REPS1: variants seen among roughly 807,000 people sequenced by gnomAD.
REPS1 encodes the protein RALBP1 associated Eps domain containing 1.
A neutral mutation model predicts 100.9 loss-of-function variants in REPS1; 39 were observed. The ratio of observed to expected loss-of-function variants is 0.39; its 90% CI spans 0.30 to 0.50. The LOEUF (loss-of-function observed/expected upper bound fraction) is 0.50, where lower values mean the gene tolerates loss of function less well. REPS1 is among the 20% of genes least tolerant of loss of function. The pLI is 0.86. For synonymous variants in REPS1, 324 were observed against 340.3 expected, an observed-to-expected ratio of 0.95 and a Z score of 0.53; for missense variants, 821 against 968.5, an observed-to-expected ratio of 0.85 and a Z score of 2.02.
At chr6:138,970,591 G>C (rs1167529531) in intron 1 of REPS1, among the ~76,000 whole-genome samples, 1 of 152,140 alleles carries the variant, frequency 6.6e-6, no homozygotes, top group Non-Finnish European at 1.5e-5. Flanking sequence ...AGACCAGCCT[G>C]GCCAACATGG....
intron 19 of REPS1, among the ~76,000 whole-genome samples, chr6:138,905,885 T>C (rs117296145): frequency 0.013 from 2,044 of 152,364 alleles, 20 homozygotes; most frequent in Middle Eastern, 0.058. Context: ...TCAATGTTGA[T>C]TTTAGGCAGT....
chr6:138,929,474 CTAAT>C (rs1339456358), intron 9 of REPS1: 10 of 152,322 alleles, frequency 6.6e-5, no homozygotes, highest in Admixed American at 5.9e-4. Flanking sequence ...TTGAAGAAAA[CTAAT>C]TATACAGAGT....
At chr6:138,923,280 GA>G (rs1338032784) in intron 10 of REPS1, among the ~76,000 whole-genome samples, 1 of 151,876 alleles carries the variant, frequency 6.6e-6, no homozygotes, top group Non-Finnish European at 1.5e-5. Context: ...TAACTGTTAA[GA>G]AAATCAGAAT....
intron 1 of REPS1, among the ~76,000 whole-genome samples, chr6:138,955,691 C>T (rs1483297066): frequency 6.6e-6 from 1 of 151,930 alleles, no homozygotes; most frequent in Admixed American, 6.6e-5. Flanking sequence ...TACCAAAAAG[C>T]CACTAACTTC....
At chr6:138,968,162 C>T (rs1233363020) in intron 1 of REPS1, among the ~76,000 whole-genome samples, 1 of 152,142 alleles carries the variant, frequency 6.6e-6, no homozygotes, top group Non-Finnish European at 1.5e-5. Context: ...TGTGAAAAAT[C>T]CTAAATCAAA....
chr6:138,943,732 A>G (rs1299223387), intron 6 of REPS1, 121 bp downstream of exon 6: 1 of 1,056,448 alleles, frequency 9.5e-7, no homozygotes, highest in Non-Finnish European at 1.3e-6. Context: ...TTCTTTTTAG[A>G]CAAATAATCT....
chr6:138,905,752 CT>C (rs567602119), intron 19 of REPS1, among the ~76,000 whole-genome samples: 40 of 152,276 alleles, frequency 2.6e-4, no homozygotes, highest in African/African-American at 8.4e-4. Flanking sequence ...AACCCGCCCC[CT>C]GGTAGATGAA....
chr6:138,945,221 G>A lies in REPS1; in HGVS notation c.626C>T (p.Ser209Leu). Residue 209 changes from serine (S) to leucine (L), a missense_variant and splice_region_variant, in exon 4 of 20, where the codon TCA (serine) becomes TTA (leucine). By Grantham distance (145) the Ser-to-Leu change is moderately radical. Around this residue, in one of 3 missense-constraint regions of REPS1, gnomAD observed 757 missense variants for 866.4 expected, o/e 0.87. Transcript: ENST00000450536. ...PFWSPFGEAQ[S>L]GSSAGDAVWS... is the part of the protein sequence containing the mutation. Reference sequence around the variant, plus strand: ...CTAATCAATCAATCTCTAAATACCTGATTGTGCTTCACCAAAGGGAGACCA... The same window carrying A: ...CTAATCAATCAATCTCTAAATACCTAATTGTGCTTCACCAAAGGGAGACCA... 6.2e-7 allele frequency: 1 copy of A among 1,604,902 alleles called. No homozygotes were observed. Among genetic ancestry groups the A allele is most frequent in the Non-Finnish European group, 8.5e-7 (1 of 1,176,744 alleles).
rs1255594546 is a variant in REPS1 at position 138,972,579 on chromosome 6, TCTA to T, written c.153+14948_153+14950del. Among the ~76,000 whole-genome samples the T allele has an allele frequency of 8.5e-5, 13 of 152,126 alleles. No individual in the cohort carries two copies. The East Asian group carries it at 2.3e-3, about 27-fold the overall frequency. On this transcript the variant is annotated intron_variant, in intron 1 of 19. Transcript: ENST00000450536. ...TTTTCTTATTTAGACTACATGCTTG[TCTA>T]CCACTGCTTACTCACTGTCAAGTTC...
intron 8 of REPS1, among the ~76,000 whole-genome samples, chr6:138,936,622 T>TGGG (rs781284903): frequency 6.7e-4 from 33 of 48,956 alleles, no homozygotes; most frequent in East Asian, 3.8e-3. Flanking sequence ...AGAGTATGTT[T>TGGG]GGGGGGGGGT....
At chr6:138,934,348 C>T (rs1471271595) in intron 8 of REPS1, 1 of 470,602 alleles carries the variant, frequency 2.1e-6, no homozygotes, top group Non-Finnish European at 4.4e-6. Context: ...GAGCATGAGC[C>T]TAAATTATTC....
chr6:138,982,549 T>G (rs1785012699), intron 1 of REPS1, among the ~76,000 whole-genome samples: 1 of 152,172 alleles, frequency 6.6e-6, no homozygotes, highest in East Asian at 1.9e-4. Context: ...TTCCTAATCT[T>G]TAAAAAACAA....
Position 138,929,974 on chromosome 6 carries a change from A to G in REPS1, c.1257+3T>C. On this transcript the variant is annotated splice_donor_region_variant and intron_variant, in intron 9 of 19. Transcript: ENST00000450536. ...AATGAAAGAAAAGGAAAGCTTTGCT[A>G]ACCTCACTGCTCTGATTCAGCTCAG... The G allele has an allele frequency of 1.2e-6, 2 of 1,612,756 alleles. No individual in the cohort carries two copies. The highest frequency in any genetic ancestry group is 1.7e-6 in the Non-Finnish European group (2 of 1,179,082).
At position 138,945,675 on chromosome 6, in the gene REPS1, T is replaced by A; in HGVS notation, c.300A>T (p.Arg100Ser). The A allele has an allele frequency of 1.2e-6, 2 of 1,606,804 alleles. No individual in the cohort carries two copies. Among genetic ancestry groups the A allele is most frequent in the South Asian group, 1.1e-5 (1 of 89,500 alleles). Residue 100 changes from arginine to serine, a missense_variant, in exon 3 of 20, where the codon AGA becomes AGT. Coordinates refer to ENST00000450536, the MANE Select transcript of REPS1 (RefSeq NM_001286611.2). ...CCTGTTCATTCTTTGAAGCAACAAA[T>A]CTTGGCAGAGGAAGGTCCTTTACTG... Reference protein sequence around the residue: ...INTVKDLPLPRFVASKNEQES... With the variant: ...INTVKDLPLPSFVASKNEQES...
chr6:138,947,740 T>C, intron 2 of REPS1, 50 bp downstream of exon 2: 1 of 1,409,662 alleles, frequency 7.1e-7, no homozygotes, highest in East Asian at 2.6e-5. Flanking sequence ...TTGACTTCAT[T>C]TGTAATAGAA....
chr6:138,971,162 A>G (rs1784321680), intron 1 of REPS1, among the ~76,000 whole-genome samples: 1 of 152,200 alleles, frequency 6.6e-6, no homozygotes, highest in African/African-American at 2.4e-5. Flanking sequence ...AAAAAATCTA[A>G]CCATAAGCTC....
rs1779488854 is a variant in REPS1, at chr6:138,903,784, G to A, written c.*1280C>T. On this transcript the variant is annotated 3_prime_UTR_variant, in exon 20 of 20. Coordinates refer to ENST00000450536, the MANE Select transcript of REPS1 (RefSeq NM_001286611.2). ...TACTGAAAGCCACTTGGAAACTTCA[G>A]CTGATGTATATTTTTACCTAGATAT... is the stretch of plus-strand genomic sequence containing the variant. 1 of 152,124 alleles carries A rather than the reference G, an allele frequency of 6.6e-6. No homozygotes were observed. Among genetic ancestry groups the A allele is most frequent in the Non-Finnish European group, 1.5e-5 (1 of 68,022 alleles). 9.4% of individuals were successfully genotyped at this position (152,124 alleles called of 1,614,324 possible).
At chr6:138,951,668 T>C (rs1182196959) in intron 1 of REPS1, among the ~76,000 whole-genome samples, 3 of 152,194 alleles carry the variant, frequency 2.0e-5, no homozygotes, top group Admixed American at 6.5e-5. Context: ...ATTAGGTGTT[T>C]CATGAAGATT....
chr6:138,926,485 AACAG>A lies in REPS1; in HGVS notation c.1258-8_1258-5del, dbSNP rs758560894. The A allele has an allele frequency of 6.9e-6, 11 of 1,602,056 alleles. No homozygotes were observed. The highest frequency in any genetic ancestry group is 2.2e-5 in the East Asian group (1 of 44,830). On this transcript the variant is annotated splice_region_variant and splice_polypyrimidine_tract_variant and intron_variant, in intron 9 of 19. Transcript: ENST00000450536. ...GTTCACTAAATGTCTCCCACTGCTG[AACAG>A]ACAGAGGAGAGACAAGTCAGCATGA...
Sources: allele counts gnomAD v4.1 joint callset (sites outside exome capture counted in the v4.1 genomes callset), GRCh38; gene constraint gnomAD v4.1.1; regional missense constraint gnomAD v4.1.1; transcripts MANE v1.5; gene names NCBI Gene and HGNC (gene_info 2026-07-23, HGNC 2026-07-21).